MORC1: variants seen among roughly 807,000 people sequenced by gnomAD.
MORC1 encodes MORC family CW-type zinc finger 1, also known as MORC family CW-type zinc finger protein 1.
In MORC1, 59 loss-of-function variants were observed where a neutral mutation model predicts 134.9. The ratio of observed to expected loss-of-function variants is 0.44; its 90% CI spans 0.35 to 0.54. The LOEUF (loss-of-function observed/expected upper bound fraction) is 0.54. Ranked by LOEUF, MORC1 falls within the 20% of genes least tolerant of loss-of-function variation. The pLI, the probability that MORC1 is intolerant of heterozygous loss-of-function variation, is 0.00. For missense variants in MORC1, 947 were observed against 1,134.5 expected (o/e 0.83, Z 2.37); for synonymous variants, 395 against 391.7 (o/e 1.01, Z -0.10).
intron 9 of MORC1, among the ~76,000 whole-genome samples, chr3:109,067,562 G>T (rs3804674): frequency 0.15 from 23,020 of 152,036 alleles, 1,902 homozygotes; most frequent in African/African-American, 0.21. Context: ...ATTTTCCATG[G>T]ACTTAAACTA....
chr3:109,055,859 T>TTA (rs993090492), intron 13 of MORC1, among the ~76,000 whole-genome samples: 1 of 152,142 alleles, frequency 6.6e-6, no homozygotes, highest in Non-Finnish European at 1.5e-5. Context: ...AGGAACATAA[T>TTA]GCAGGTGCTG....
chr3:109,009,941 T>G (rs1436645673), intron 17 of MORC1, among the ~76,000 whole-genome samples: 1 of 152,226 alleles, frequency 6.6e-6, no homozygotes, highest in Non-Finnish European at 1.5e-5. Flanking sequence ...TTGTGTCTCC[T>G]TCTTACTGCT....
At chr3:109,104,175 T>C (rs1950979829) in intron 3 of MORC1, among the ~76,000 whole-genome samples, 1 of 152,166 alleles carries the variant, frequency 6.6e-6, no homozygotes, top group Non-Finnish European at 1.5e-5. Flanking sequence ...CAGCAGGACA[T>C]GTTCTGCTCT....
At chr3:109,004,023 A>C (rs1324733608) in intron 20 of MORC1, among the ~76,000 whole-genome samples, 3 of 152,158 alleles carry the variant, frequency 2.0e-5, no homozygotes, top group African/African-American at 7.2e-5. Context: ...AGCTGAGATC[A>C]CGCCACTGCA....
At chr3:109,004,979 G>A (rs1948502507) in intron 19 of MORC1, 91 bp from the exon 20 acceptor site, 3 of 1,568,106 alleles carry the variant, frequency 1.9e-6, no homozygotes, top group Admixed American at 3.8e-5. Flanking sequence ...TAATTAAAGT[G>A]TCTTAAAATG....
intron 1 of MORC1, among the ~76,000 whole-genome samples, chr3:109,117,665 A>C (rs1418598172): frequency 6.6e-6 from 1 of 152,196 alleles, no homozygotes; most frequent in Admixed American, 6.5e-5. Context: ...TTAATGTTTA[A>C]ATTGTCAGTG....
chr3:109,085,664 T>C (rs1302719911), intron 8 of MORC1, among the ~76,000 whole-genome samples: 1 of 152,100 alleles, frequency 6.6e-6, no homozygotes, highest in Non-Finnish European at 1.5e-5. Context: ...TTGGTAGGAA[T>C]GTAAATTAGT....
intron 23 of MORC1, 107 bp from the exon 24 acceptor site, chr3:108,979,774 G>T: frequency 7.6e-7 from 1 of 1,317,948 alleles, no homozygotes; most frequent in South Asian, 1.5e-5. Context: ...ATGAGAACAA[G>T]AACATGCGTG....
At chr3:109,091,744 T>C (rs997318078) in intron 8 of MORC1, among the ~76,000 whole-genome samples, 7 of 152,258 alleles carry the variant, frequency 4.6e-5, no homozygotes, top group Admixed American at 3.3e-4. Flanking sequence ...CCTAGCCCTG[T>C]CTTTAAAGGC....
intron 14 of MORC1, among the ~76,000 whole-genome samples, chr3:109,040,452 G>GAA (rs1949501803): frequency 3.1e-5 from 4 of 130,050 alleles, no homozygotes; most frequent in Non-Finnish European, 6.6e-5. Flanking sequence ...AAGAAAGAAA[G>GAA]AAAGAAAGAA....
intron 9 of MORC1, among the ~76,000 whole-genome samples, chr3:109,065,917 G>A (rs1281777301): frequency 1.3e-5 from 2 of 152,108 alleles, no homozygotes; most frequent in Non-Finnish European, 2.9e-5. Flanking sequence ...CACAGAAACA[G>A]AAAAACAAGT....
In MORC1 at chr3:109,032,722, G is replaced by A; in HGVS notation, c.1563C>T (p.Asn521=). Residue 521 remains asparagine (N), a splice_region_variant and synonymous_variant, in exon 16 of 28, where the codon AAC becomes AAT. Transcript: ENST00000232603. Reference sequence around the variant, plus strand: ...TTTTAGAAAATAATCAAAAATACCTGTTTTCCAAGCGGTTGGGATTATTAG... The same window carrying A: ...TTTTAGAAAATAATCAAAAATACCTATTTTCCAAGCGGTTGGGATTATTAG... The part of the protein sequence containing the change: ...ICANNPNRLE[N]SCHQVECLPS... 1 of 1,563,700 alleles carries A rather than the reference G, an allele frequency of 6.4e-7. No individual in the cohort carries two copies. The highest frequency in any genetic ancestry group is 2.3e-5 in the East Asian group (1 of 44,400).
At chr3:108,994,614 A>G (rs1948148783) in intron 21 of MORC1, among the ~76,000 whole-genome samples, 1 of 152,118 alleles carries the variant, frequency 6.6e-6, no homozygotes, top group Non-Finnish European at 1.5e-5. Flanking sequence ...AGAATTAGAA[A>G]ATTTCTACAA....
At chr3:109,043,197 G>GT (rs1559915089) in intron 14 of MORC1, among the ~76,000 whole-genome samples, 1 of 123,882 alleles carries the variant, frequency 8.1e-6, no homozygotes, top group Admixed American at 8.3e-5. Flanking sequence ...GTGGGGGGGG[G>GT]GGGGTGTGTA....
At chr3:109,052,998 A>T (rs1262725445) in intron 14 of MORC1, among the ~76,000 whole-genome samples, 1 of 152,120 alleles carries the variant, frequency 6.6e-6, no homozygotes, top group Non-Finnish European at 1.5e-5. Context: ...ACATGCAGCC[A>T]ACAAACATGA....
intron 2 of MORC1, among the ~76,000 whole-genome samples, chr3:109,113,846 T>C (rs982791095): frequency 6.6e-6 from 1 of 152,206 alleles, no homozygotes; most frequent in Non-Finnish European, 1.5e-5. Context: ...CAAATATGAA[T>C]TATGTGACTT....
intron 23 of MORC1, among the ~76,000 whole-genome samples, chr3:108,982,725 A>AT (rs1358689865): frequency 1.9e-5 from 2 of 105,314 alleles, no homozygotes; most frequent in African/African-American, 3.4e-5. Context: ...AACTTAAAGT[A>AT]TAAAAAAAAA....
chr3:109,104,892 C>T (rs1466956434), intron 3 of MORC1, among the ~76,000 whole-genome samples: 1 of 151,060 alleles, frequency 6.6e-6, no homozygotes, highest in African/African-American at 2.5e-5. Context: ...CACACACACA[C>T]GTATGAAATC....
chr3:109,090,113 AT>A (rs967930877), intron 8 of MORC1, among the ~76,000 whole-genome samples: 20 of 151,916 alleles, frequency 1.3e-4, no homozygotes, highest in Admixed American at 3.3e-4. Flanking sequence ...TATTGGAAAA[AT>A]TTTTTTTAAT....
Sources: gnomAD v4.1 joint callset for allele counts (sites outside exome capture counted in the v4.1 genomes callset) on GRCh38, gnomAD v4.1.1 for gene constraint, MANE v1.5 for transcripts, NCBI Gene and HGNC (gene_info 2026-07-23, HGNC 2026-07-21) for gene names.